TTLL1: variants seen among roughly 807,000 people sequenced by gnomAD.
TTLL1 encodes the protein TTL family tubulin polyglutamylase complex subunit L1.
Under a neutral mutation model 47.8 loss-of-function variants are expected in TTLL1, and 33 were observed. The observed-to-expected ratio is 0.69, with a 90% confidence interval of 0.52 to 0.92. The LOEUF (loss-of-function observed/expected upper bound fraction) is 0.92, where lower values mean the gene tolerates loss of function less well. Ranked by LOEUF, TTLL1 falls within the 40% of genes least tolerant of loss-of-function variation. The pLI is 0.00. For synonymous variants in TTLL1, 225 were observed against 214.1 expected (o/e 1.05, Z -0.45); for missense variants, 488 against 547.5 (o/e 0.89, Z 1.08).
rs1030313030 is a variant in TTLL1, at chr22:43,089,354, A to C, written c.-167T>G. 1.3e-5 allele frequency: 2 copies of C among 152,400 alleles called. No individual in the cohort carries two copies. The highest frequency in any genetic ancestry group is 4.8e-5 in the African/African-American group (2 of 41,430). 9.4% of individuals were successfully genotyped at this position (152,400 alleles called of 1,614,324 possible). Reference sequence around the variant, plus strand: ...CGAGCCGCGCCCTCGCCCCGCCTCCAGCCCCTCTCCGGCGCTCGCAGGAGT... The same window carrying C: ...CGAGCCGCGCCCTCGCCCCGCCTCCCGCCCCTCTCCGGCGCTCGCAGGAGT... On this transcript the variant is annotated 5_prime_UTR_variant, in exon 1 of 11. Transcript: ENST00000266254.
At chr22:43,067,809 CTCTT>C (rs1200826695) in intron 5 of TTLL1, among the ~76,000 whole-genome samples, 11 of 151,522 alleles carry the variant, frequency 7.3e-5, no homozygotes, top group East Asian at 2.0e-4. Context: ...CCACCTCTCT[CTCTT>C]TCTTTTTTTT....
intron 3 of TTLL1, among the ~76,000 whole-genome samples, chr22:43,074,427 C>CAAAAAAAAAAAAAAAAAAAAAAAAAAA: frequency 1.2e-5 from 1 of 85,744 alleles, no homozygotes; most frequent in Non-Finnish European, 2.6e-5. Flanking sequence ...AATTTCGTCT[C>CAAAAAAAAAAAAAAAAAAAAAAAAAAA]AAAAAAAAAA....
Position 43,075,510 on chromosome 22 carries a change from A to T in TTLL1, c.77T>A (p.Val26Asp). The change falls in exon 3 of 11, where the codon GTC (valine) becomes GAC (aspartate). Residue 26 changes from valine to aspartate, a missense_variant. Coordinates refer to ENST00000266254, the MANE Select transcript of TTLL1 (RefSeq NM_012263.5). ...CCAGTCCTCGTTTTCTGTCACTTGG[A>T]CCCATCCTCTCTTTTCAAAGTTATT... is the stretch of plus-strand genomic sequence containing the variant. ...LINNFEKRGWVQVTENEDWNF... is the reference protein window; with the variant it reads ...LINNFEKRGWDQVTENEDWNF... 1 of 1,614,086 alleles carries T rather than the reference A, an allele frequency of 6.2e-7. No homozygotes were observed. The highest frequency in any genetic ancestry group is 8.5e-7 in the Non-Finnish European group (1 of 1,180,008).
chr22:43,052,231 C>T (rs1167855376), intron 8 of TTLL1: 1 of 330,846 alleles, frequency 3.0e-6, no homozygotes, highest in African/African-American at 2.1e-5. Context: ...CAGTGAAGGT[C>T]TGTGCAGCCT....
intron 9 of TTLL1, among the ~76,000 whole-genome samples, chr22:43,049,506 A>G (rs1031291855): frequency 6.6e-6 from 1 of 150,952 alleles, no homozygotes; most frequent in Non-Finnish European, 1.5e-5. Context: ...CTGGGCAACA[A>G]GAGTGAAACT....
Position 43,046,462 on chromosome 22 carries a change from A to C in TTLL1, c.1090T>G (p.Cys364Gly), listed in dbSNP as rs1020272947. ...TTAGGTGGCGACTTGTTCCATTTGC[A>C]GTCTGGGATTTCACCATTCGGGACG... is the stretch of plus-strand genomic sequence containing the variant. ...IAVPNGEIPD[C>G]KWNKSPPKEV... The change falls in exon 10 of 11, where the codon TGC becomes GGC. Residue 364 changes from cysteine (C) to glycine (G), a missense_variant. Cys to Gly is a radical substitution (Grantham distance 159). Coordinates refer to ENST00000266254, the MANE Select transcript of TTLL1 (RefSeq NM_012263.5). The C allele has an allele frequency of 6.2e-6, 10 of 1,613,964 alleles. No homozygotes were observed. Among genetic ancestry groups the C allele is most frequent in the Non-Finnish European group, 8.5e-6 (10 of 1,180,044 alleles).
At chr22:43,057,949 TATA>T (rs1396502896) in intron 8 of TTLL1, among the ~76,000 whole-genome samples, 3 of 118,490 alleles carry the variant, frequency 2.5e-5, no homozygotes, top group South Asian at 2.8e-4. Flanking sequence ...TATATATATA[TATA>T]TTTTTTTTTT....
rs922008090 is a variant in TTLL1, at chr22:43,059,366, C to G, written c.891+18G>C. ...AACGGGCCCTGGGAGCCGGCTCCCC[C>G]GCCCGCACCAAACTCACCGCCACAG... On this transcript the variant is annotated intron_variant, in intron 8 of 10. Coordinates refer to ENST00000266254, the MANE Select transcript of TTLL1 (RefSeq NM_012263.5). 7 of 1,600,624 alleles carry G rather than the reference C, an allele frequency of 4.4e-6. No homozygotes were observed. Among genetic ancestry groups the G allele is most frequent in the Non-Finnish European group, 3.4e-6 (4 of 1,173,252 alleles).
At position 43,051,782 on chromosome 22, in the gene TTLL1, C is replaced by T. The variant is rs746217460; in HGVS notation, c.978+19G>A. On this transcript the variant is annotated intron_variant, in intron 9 of 10. Coordinates refer to ENST00000266254, the MANE Select transcript of TTLL1 (RefSeq NM_012263.5). The stretch of plus-strand genomic sequence containing the variant: ...GGGCTATGTGTGGTGTGACCAGGTG[C>T]AGGTGCTCCCGCAGTTACCTCGATC... 2 of 1,612,698 alleles carry T rather than the reference C, an allele frequency of 1.2e-6. No homozygotes were observed. The highest frequency in any genetic ancestry group is 1.7e-6 in the Non-Finnish European group (2 of 1,178,724).
In TTLL1 at chr22:43,059,411, G is replaced by C. The variant is rs200079395; in HGVS notation, c.864C>G (p.Ile288Met). Residue 288 changes from isoleucine to methionine, a missense_variant, in exon 8 of 11, where the codon ATC becomes ATG. Transcript: ENST00000266254. Reference sequence around the variant, plus strand: ...CCACAGCCTTCAGGGACTGCACGATGATCCAGTGGATCTCGTCGAACAGCT... The same window carrying C: ...CCACAGCCTTCAGGGACTGCACGATCATCCAGTGGATCTCGTCGAACAGCT... ...TSKLFDEIHW[I>M]IVQSLKAVAP... The C allele has an allele frequency of 6.2e-7, 1 of 1,613,832 alleles. No individual in the cohort carries two copies. Among genetic ancestry groups the C allele is most frequent in the Admixed American group, 1.7e-5 (1 of 59,992 alleles).
chr22:43,040,049 G>A (rs9611991), intron 10 of TTLL1, 144 bp from the exon 11 acceptor site: 118,962 of 1,117,436 alleles, frequency 0.11, 6,858 homozygotes, highest in Non-Finnish European at 0.12. Context: ...GCTGGCTCCC[G>A]CCCACCTCCC....
intron 1 of TTLL1, among the ~76,000 whole-genome samples, chr22:43,082,891 G>A (rs1189127456): frequency 1.3e-5 from 2 of 151,928 alleles, no homozygotes; most frequent in African/African-American, 4.8e-5. Context: ...GCGGGCGCCT[G>A]TAATCCCAGC....
intron 1 of TTLL1, among the ~76,000 whole-genome samples, chr22:43,083,305 C>T (rs909525134): frequency 2.6e-5 from 4 of 151,834 alleles, no homozygotes; most frequent in Non-Finnish European, 5.9e-5. Context: ...GGAGGTAGAG[C>T]TTGCAGTGAG....
intron 3 of TTLL1, among the ~76,000 whole-genome samples, chr22:43,072,135 C>T (rs1845322770): frequency 6.6e-6 from 1 of 151,746 alleles, no homozygotes; most frequent in Admixed American, 6.6e-5. Flanking sequence ...AACTTCGCAA[C>T]CATCTTTATT....
chr22:43,077,466 GC>G (rs1325409295), intron 2 of TTLL1, among the ~76,000 whole-genome samples: 2 of 152,154 alleles, frequency 1.3e-5, no homozygotes, highest in Non-Finnish European at 2.9e-5. Flanking sequence ...TCAAGCATCT[GC>G]TGTCCCTGCT....
intron 1 of TTLL1, among the ~76,000 whole-genome samples, chr22:43,083,659 C>T (rs1384337679): frequency 4.6e-5 from 7 of 151,848 alleles, no homozygotes; most frequent in Admixed American, 3.3e-4. Context: ...ACTCAGGAGG[C>T]GGAGACAGCG....
chr22:43,088,422 C>T (rs546894782), intron 1 of TTLL1, among the ~76,000 whole-genome samples: 26 of 147,610 alleles, frequency 1.8e-4, no homozygotes, highest in East Asian at 1.4e-3. Flanking sequence ...CTGCAAGCTC[C>T]GCCTCCCGGG....
chr22:43,040,019 G>T (rs763316016), intron 10 of TTLL1, 114 bp from the exon 11 acceptor site: 1 of 1,458,504 alleles, frequency 6.9e-7, no homozygotes. Flanking sequence ...GCCTGAGGGG[G>T]CCCCACCCTC....
intron 1 of TTLL1, among the ~76,000 whole-genome samples, chr22:43,086,363 CAG>C (rs768971335): frequency 2.0e-5 from 3 of 152,186 alleles, no homozygotes; most frequent in Non-Finnish European, 4.4e-5. Context: ...ATCCTGAAAC[CAG>C]AGAGCTGCTG....
Sources: gnomAD v4.1 joint callset for allele counts (sites outside exome capture counted in the v4.1 genomes callset) on GRCh38, gnomAD v4.1.1 for gene constraint, MANE v1.5 for transcripts, NCBI Gene and HGNC (gene_info 2026-07-23, HGNC 2026-07-21) for gene names.